Variants in MORC2 observed in about 807,000 individuals in gnomAD.
The protein encoded by MORC2 is ATPase MORC2.
A neutral mutation model predicts 136.0 loss-of-function variants in MORC2; 30 were observed. That is an observed-to-expected ratio of 0.22 (90% CI 0.17 to 0.30). The LOEUF is 0.30. MORC2 is among the 10% of genes least tolerant of loss of function. The pLI, the probability that MORC2 is intolerant of heterozygous loss-of-function variation, is 1.00. For missense variants in MORC2, 922 were observed against 1,333.1 expected, an observed-to-expected ratio of 0.69 and a Z score of 4.80; for synonymous variants, 439 against 487.0, an observed-to-expected ratio of 0.90 and a Z score of 1.30.
intron 6 of MORC2, among the ~76,000 whole-genome samples, chr22:30,944,295 T>C (rs1003983243): frequency 6.6e-6 from 1 of 152,134 alleles, no homozygotes; most frequent in Admixed American, 6.5e-5. Flanking sequence ...TCACTACGCC[T>C]CCCATTCTTC....
rs1467579842 is a variant in MORC2 at position 30,936,197 on chromosome 22, T to C, written c.1737+314A>G. On this transcript the variant is annotated intron_variant, in intron 17 of 25. Coordinates refer to ENST00000397641, the MANE Select transcript of MORC2 (RefSeq NM_001303256.3). ...ATGAGTTCATGACAAGTTGGAAGGA[T>C]GTATGGTTAATGATGGTTACCTCTA... Among the ~76,000 whole-genome samples, 3 of 152,206 alleles carry C rather than the reference T, an allele frequency of 2.0e-5. No homozygotes were observed. In the South Asian group the frequency reaches 6.2e-4, roughly 31 times the overall value.
At chr22:30,965,762 AAAG>A (rs2041118508) in intron 1 of MORC2, among the ~76,000 whole-genome samples, 1 of 152,242 alleles carries the variant, frequency 6.6e-6, no homozygotes, top group African/African-American at 2.4e-5. Flanking sequence ...AAAGGGGGAA[AAAG>A]AAGGGAGAAA....
intron 20 of MORC2, 39 bp from the exon 21 acceptor site, chr22:30,933,559 C>T (rs2040608271): frequency 6.2e-7 from 1 of 1,607,494 alleles, no homozygotes; most frequent in African/African-American, 1.3e-5. Flanking sequence ...TCCCCAGTGC[C>T]CCCCAAGAGC....
intron 24 of MORC2, among the ~76,000 whole-genome samples, chr22:30,930,548 C>CT (rs1020092803): frequency 2.6e-5 from 4 of 152,196 alleles, no homozygotes; most frequent in Non-Finnish European, 5.9e-5. Flanking sequence ...CCAACAGACT[C>CT]TTTACCTTTC....
intron 3 of MORC2, among the ~76,000 whole-genome samples, chr22:30,951,252 C>T (rs1569199808): frequency 6.6e-6 from 1 of 152,196 alleles, no homozygotes; most frequent in Non-Finnish European, 1.5e-5. Flanking sequence ...GTGAAAAGAA[C>T]GTCTTCTCTC....
At chr22:30,938,236 A>G in intron 12 of MORC2, 31 bp from the exon 13 acceptor site, 1 of 1,611,486 alleles carries the variant, frequency 6.2e-7, no homozygotes, top group South Asian at 1.1e-5. Flanking sequence ...AAGCAGATCT[A>G]CACATCGGCA....
At chr22:30,960,916 GTGCAAGCGGCGCAATCTCGGCTCAC>G (rs113536220) in intron 1 of MORC2, among the ~76,000 whole-genome samples, 6,572 of 151,632 alleles carry the variant, frequency 0.043, 204 homozygotes, top group East Asian at 0.12. Context: ...CCAGGCTGGA[GTGCAAGCGGCGCAATCTCGGCTCAC>G]TGCAACCTCT....
rs1355314928 is a variant in MORC2 at position 30,934,158 on chromosome 22, A to C, written c.2227T>G (p.Ser743Ala). 2.5e-6 allele frequency: 4 copies of C among 1,614,014 alleles called. No homozygotes were observed. In the South Asian group the frequency reaches 4.4e-5, roughly 18 times the overall value. ...TCCTCCTCAACTTCTTCCTCATCAG[A>C]AACTGCGACACTCCGCTTCCGACTA... Reference protein sequence around the residue: ...TPSRKRSVAVSDEEEVEEEAE... With the variant: ...TPSRKRSVAVADEEEVEEEAE... The change falls in exon 20 of 26, where the codon TCT becomes GCT. Residue 743 changes from serine (S) to alanine (A), a missense_variant. This residue lies in a region of MORC2 where 263 missense variants were observed against 388.3 expected (regional missense o/e 0.68). Coordinates refer to ENST00000397641, the MANE Select transcript of MORC2 (RefSeq NM_001303256.3). This position sits in a 1 kb window ranked among gnomAD's most constrained non-coding sequence, Gnocchi z 4.4.
chr22:30,926,929 C>T, intron 25 of MORC2, 58 bp from the exon 26 acceptor site: 1 of 1,425,274 alleles, frequency 7.0e-7, no homozygotes, highest in African/African-American at 1.4e-5. Flanking sequence ...GGGGGCTCAC[C>T]TTTCCACCCT....
chr22:30,926,992 G>A (rs977634419), intron 25 of MORC2, 121 bp from the exon 26 acceptor site: 35 of 708,780 alleles, frequency 4.9e-5, no homozygotes, highest in African/African-American at 7.0e-5. Context: ...CTCCCACCCC[G>A]CCCTGGATGT....
At chr22:30,953,732 C>T (rs1236185185) in intron 3 of MORC2, among the ~76,000 whole-genome samples, 5 of 152,132 alleles carry the variant, frequency 3.3e-5, no homozygotes, top group Non-Finnish European at 7.3e-5. Flanking sequence ...AGAAAGTCAA[C>T]AAAAACAGTC....
At chr22:30,957,563 G>A (rs1260502018) in intron 2 of MORC2, among the ~76,000 whole-genome samples, 1 of 152,166 alleles carries the variant, frequency 6.6e-6, no homozygotes, top group Admixed American at 6.5e-5. Context: ...CTGGCAAAAT[G>A]TATACACAAG....
In MORC2 at chr22:30,937,160, C is replaced by T. The variant is rs1238417553; in HGVS notation, c.1499-123G>A. On this transcript the variant is annotated intron_variant, in intron 15 of 25. Coordinates refer to ENST00000397641, the MANE Select transcript of MORC2 (RefSeq NM_001303256.3). This position sits in a 1 kb window ranked among gnomAD's most constrained non-coding sequence, Gnocchi z 4.7. ...TTGTAGGCAAAGATCTTCACTCGGG[C>T]TCCAACTCTGCCTATCCTTAGAGAA... 4 of 705,138 alleles carry T rather than the reference C, an allele frequency of 5.7e-6. No individual in the cohort carries two copies. The highest frequency in any genetic ancestry group is 1.0e-5 in the Non-Finnish European group (4 of 397,464). 43.7% of individuals were successfully genotyped at this position (705,138 alleles called of 1,614,324 possible). A position where few individuals can be genotyped will look rare whatever the true frequency, so the allele number is the denominator to read the frequency against.
chr22:30,940,683 G>A, intron 10 of MORC2, 75 bp downstream of exon 10: 1 of 1,341,250 alleles, frequency 7.5e-7, no homozygotes, highest in South Asian at 1.2e-5. Context: ...GCCTTTTCCT[G>A]GAACCCCACT....
At chr22:30,963,049 G>A (rs1408690848) in intron 1 of MORC2, among the ~76,000 whole-genome samples, 1 of 151,408 alleles carries the variant, frequency 6.6e-6, no homozygotes, top group South Asian at 2.1e-4. Flanking sequence ...TCGGCTCACT[G>A]CAAGCTCCGC....
intron 1 of MORC2, chr22:30,967,266 A>G: frequency 1.0e-6 from 1 of 986,510 alleles, no homozygotes; most frequent in Non-Finnish European, 1.2e-6. Flanking sequence ...CTATCTAAAT[A>G]GAGATATAAA....
At position 30,934,328 on chromosome 22, in the gene MORC2, TACA is replaced by T; in HGVS notation, c.2194-140_2194-138del. The stretch of plus-strand genomic sequence containing the variant: ...TCCCTGCCTGACATTACTTGGAATG[TACA>T]CAGGCAACCCACTGGCCCCTGCGCC... On this transcript the variant is annotated intron_variant, in intron 19 of 25. Coordinates refer to ENST00000397641, the MANE Select transcript of MORC2 (RefSeq NM_001303256.3). The surrounding 1 kb of genome is among the most constrained non-coding windows in gnomAD (Gnocchi z 4.4). 3 of 1,295,984 alleles carry T rather than the reference TACA, an allele frequency of 2.3e-6. No individual in the cohort carries two copies. The highest frequency in any genetic ancestry group is 3.1e-6 in the Non-Finnish European group (3 of 953,488). 80.3% of individuals were successfully genotyped at this position (1,295,984 alleles called of 1,614,324 possible). A position where few individuals can be genotyped will look rare whatever the true frequency, so the allele number is the denominator to read the frequency against.
rs2040738344 is a variant in MORC2, at chr22:30,941,315, A to C, written c.824+118T>G. ...CCAATCACAGGCAACTTAAAGTCCC[A>C]AACGTAGTCAGCACTGCCAGAGCCT... On this transcript the variant is annotated intron_variant, in intron 9 of 25. Transcript: ENST00000397641. The surrounding 1 kb of genome is among the most constrained non-coding windows in gnomAD (Gnocchi z 4.6). The C allele has an allele frequency of 3.5e-6, 5 of 1,415,982 alleles. No individual in the cohort carries two copies. The highest frequency in any genetic ancestry group is 4.7e-6 in the Non-Finnish European group (5 of 1,061,892). The allele number at this position is 1,415,982 out of a possible 1,614,324, so 87.7% of individuals were successfully genotyped here. A position where few individuals can be genotyped will look rare whatever the true frequency, so the allele number is the denominator to read the frequency against.
At chr22:30,953,315 G>A (rs907800764) in intron 3 of MORC2, among the ~76,000 whole-genome samples, 4 of 152,320 alleles carry the variant, frequency 2.6e-5, no homozygotes, top group African/African-American at 7.2e-5. Flanking sequence ...AGGCAAAGCC[G>A]AACTGCCTGC....
Sources: gnomAD v4.1 joint callset for allele counts (sites outside exome capture counted in the v4.1 genomes callset) on GRCh38, gnomAD v4.1.1 for gene constraint, gnomAD v4.1.1 regional missense constraint, Gnocchi (gnomAD v3.1) non-coding constraint, MANE v1.5 for transcripts, NCBI Gene and HGNC (gene_info 2026-07-23, HGNC 2026-07-21) for gene names.